Variants in SLC61A1 observed in about 807,000 individuals in gnomAD.
The protein encoded by SLC61A1 is solute carrier family 61 member 1.
At chr12:53,252,131 G>T in the SLC61A1 span, 10 of 1,440,962 alleles carry the variant, frequency 6.9e-6, no homozygotes, top group Non-Finnish European at 9.0e-6. Context: ...CCAGAGGCCT[G>T]CCCGGCTCCC....
the SLC61A1 span, chr12:53,254,146 G>A: frequency 5.0e-6 from 8 of 1,614,150 alleles, no homozygotes; most frequent in Middle Eastern, 3.3e-4. Context: ...CTGAGCTGCG[G>A]GTACCTTCAC....
chr12:53,252,359 TG>T, the SLC61A1 span: 2 of 1,328,296 alleles, frequency 1.5e-6, no homozygotes, highest in East Asian at 3.2e-5. Flanking sequence ...CCTGGAGGAG[TG>T]GGCCTCTGAG....
the SLC61A1 span, chr12:53,253,726 C>G: frequency 6.2e-7 from 1 of 1,614,050 alleles, no homozygotes; most frequent in Non-Finnish European, 8.5e-7. Flanking sequence ...TTGGCTCTTC[C>G]CTGTACCGTA....
At chr12:53,251,675 A>T in the SLC61A1 span, 1 of 1,475,540 alleles carries the variant, frequency 6.8e-7, no homozygotes, top group Non-Finnish European at 9.0e-7. Flanking sequence ...GCCCGACTCC[A>T]AGTTCTTTAC....
the SLC61A1 span, chr12:53,253,580 G>A: frequency 9.3e-6 from 15 of 1,613,804 alleles, no homozygotes; most frequent in African/African-American, 6.7e-5. Flanking sequence ...GGACCGCCGC[G>A]TGCTGCTGTT....
chr12:53,252,814 C>T, the SLC61A1 span: 4 of 1,612,440 alleles, frequency 2.5e-6, no homozygotes, highest in African/African-American at 2.7e-5. Context: ...ACCTCTCTTC[C>T]CAGGTCGTCC....
chr12:53,252,846 C>T, the SLC61A1 span: 22 of 1,613,850 alleles, frequency 1.4e-5, no homozygotes, highest in Non-Finnish European at 1.8e-5. Context: ...ATGCTGGTGA[C>T]TGCCTACCTT....
At chr12:53,252,770 T>C in the SLC61A1 span, 8 of 1,585,196 alleles carry the variant, frequency 5.0e-6, no homozygotes, top group South Asian at 8.0e-5. Context: ...CCCTTGACCG[T>C]GCTGCCCGAA....
chr12:53,251,418 C>G, the SLC61A1 span: 455 of 315,602 alleles, frequency 1.4e-3, 6 homozygotes, highest in African/African-American at 9.0e-3. Flanking sequence ...GGAGATGATA[C>G]GGAAGCTGTA....
the SLC61A1 span, chr12:53,254,285 G>A: frequency 7.0e-7 from 1 of 1,423,044 alleles, no homozygotes; most frequent in Non-Finnish European, 9.5e-7. Flanking sequence ...ACTGTCCTGT[G>A]GTTTCTCCTG....
chr12:53,252,415 T>G, the SLC61A1 span: 1 of 1,274,348 alleles, frequency 7.8e-7, no homozygotes, highest in South Asian at 2.1e-5. Flanking sequence ...CCTGCGCGGG[T>G]GGGAGGGATG....
At chr12:53,254,083 G>A in the SLC61A1 span, 1 of 1,614,192 alleles carries the variant, frequency 6.2e-7, no homozygotes, top group Non-Finnish European at 8.5e-7. Flanking sequence ...CTGCTGTCAT[G>A]GTGATGGCTC....
At chr12:53,254,324 T>A in the SLC61A1 span, 1 of 1,071,870 alleles carries the variant, frequency 9.3e-7, no homozygotes, top group Non-Finnish European at 1.3e-6. Flanking sequence ...GAGGACATGA[T>A]GGGGGTGATG....
the SLC61A1 span, chr12:53,254,216 C>T: frequency 1.9e-6 from 3 of 1,601,746 alleles, no homozygotes; most frequent in Non-Finnish European, 1.7e-6. Context: ...ATAGCTGGGA[C>T]AGACTCTTGA....
chr12:53,253,231 GGGGCGAGCACTT>G, the SLC61A1 span: 1 of 1,614,248 alleles, frequency 6.2e-7, no homozygotes. Flanking sequence ...TGCTGCTAGT[GGGGCGAGCACTT>G]GGTGGGCTGT....
At chr12:53,252,302 G>A in the SLC61A1 span, 1 of 1,387,848 alleles carries the variant, frequency 7.2e-7, no homozygotes, top group South Asian at 1.7e-5. Context: ...GCAAGTGGAT[G>A]TGGCAGGGCT....
chr12:53,252,633 A>G, the SLC61A1 span: 7 of 1,207,766 alleles, frequency 5.8e-6, no homozygotes, highest in East Asian at 1.3e-4. Flanking sequence ...CCTGCCCCAC[A>G]GTGTCCTAGG....
chr12:53,253,825 T>C, the SLC61A1 span: 3 of 1,614,204 alleles, frequency 1.9e-6, no homozygotes, highest in Non-Finnish European at 2.5e-6. Context: ...TCATGTTGAC[T>C]TTCTCTACCA....
chr12:53,252,979 C>A, the SLC61A1 span: 7 of 1,614,116 alleles, frequency 4.3e-6, no homozygotes, highest in Admixed American at 1.0e-4. Flanking sequence ...TCTATCAGGT[C>A]TACTTCCTGG....
Sources: allele counts gnomAD v4.1 joint callset, GRCh38; gene constraint gnomAD v4.1.1; transcripts MANE v1.5; gene names NCBI Gene and HGNC (gene_info 2026-07-23, HGNC 2026-07-21).